NHSL2: variants seen among roughly 807,000 people sequenced by gnomAD.
NHSL2 encodes NHS-like protein 2.
A neutral mutation model predicts 53.4 loss-of-function variants in NHSL2; 27 were observed. That is an observed-to-expected ratio of 0.51 (90% confidence interval 0.37 to 0.70). The LOEUF is 0.70. Among genes scored for constraint, NHSL2 ranks in the 30% least tolerant of loss-of-function variants. The pLI is 0.00. For synonymous variants in NHSL2, 408 were observed against 404.1 expected (o/e 1.01, Z -0.12); for missense variants, 892 against 980.1 (o/e 0.91, Z 1.20).
chrX:72,116,790 G>A (rs867082026), intron 1 of NHSL2, among the ~76,000 whole-genome samples: 1 of 111,155 alleles, frequency 9.0e-6, no homozygotes, highest in African/African-American at 3.3e-5. Flanking sequence ...GACAGCTAGG[G>A]GGTGCTCATG....
At chrX:71,924,608 G>A (rs997906228) in intron 1 of NHSL2, among the ~76,000 whole-genome samples, 1 of 112,236 alleles carries the variant, frequency 8.9e-6, no homozygotes, top group Non-Finnish European at 1.9e-5. Context: ...CCATCTTAAA[G>A]GTTGTGAGGA....
intron 1 of NHSL2, among the ~76,000 whole-genome samples, chrX:71,918,689 C>G (rs1052477050): frequency 8.9e-6 from 1 of 111,932 alleles, no homozygotes; most frequent in Non-Finnish European, 1.9e-5. Context: ...TGAGTGTCTC[C>G]TTTGACTCAG....
chrX:72,069,323 G>A (rs1381200167), intron 1 of NHSL2, among the ~76,000 whole-genome samples: 10 of 108,840 alleles, frequency 9.2e-5, no homozygotes, highest in African/African-American at 3.0e-4. Flanking sequence ...CACTTTCAGG[G>A]CTTGCTAGGG....
chrX:72,141,639 G>A (rs1423383566), intron 6 of NHSL2, among the ~76,000 whole-genome samples: 2 of 112,048 alleles, frequency 1.8e-5, no homozygotes, highest in Admixed American at 9.5e-5. Context: ...GAATCATACA[G>A]TATTTGTCTT....
At chrX:71,979,885 A>G (rs1445586808) in intron 1 of NHSL2, among the ~76,000 whole-genome samples, 1 of 110,973 alleles carries the variant, frequency 9.0e-6, no homozygotes, top group Non-Finnish European at 1.9e-5. Flanking sequence ...TAGGGTTTTT[A>G]TGGTTTTAGG....
chrX:71,947,018 T>C (rs1483096874), intron 1 of NHSL2, among the ~76,000 whole-genome samples: 1 of 112,274 alleles, frequency 8.9e-6, no homozygotes. Context: ...ATATGGTAGC[T>C]GGTATCCACA....
chrX:71,944,580 G>A (rs1409216445), intron 1 of NHSL2, among the ~76,000 whole-genome samples: 2 of 111,929 alleles, frequency 1.8e-5, no homozygotes, highest in Non-Finnish European at 3.8e-5. Context: ...GTAGAGCATG[G>A]TGCTGTCCCA....
chrX:72,066,838 A>G (rs751995555), intron 1 of NHSL2, among the ~76,000 whole-genome samples: 1 of 111,888 alleles, frequency 8.9e-6, no homozygotes, highest in Admixed American at 9.5e-5. Context: ...GGTTAAAAAA[A>G]CTGCTTTGAG....
In NHSL2 at chrX:72,120,582, T is replaced by C. The variant is rs193126076; in HGVS notation, c.281-11497T>C. Among the ~76,000 whole-genome samples, 595 of 112,550 alleles carry C rather than the reference T, an allele frequency of 5.3e-3. 4 individuals are homozygous for C. Among genetic ancestry groups the C allele is most frequent in the African/African-American group, 0.018 (563 of 30,964 alleles). On this transcript the variant is annotated intron_variant, in intron 1 of 7. Transcript: ENST00000633930. ...ATTTTTGTAATTGGGGTCTTCTCTC[T>C]TTGATTTTTGGTCAATCTAGCTAAC... is the stretch of plus-strand genomic sequence containing the variant.
chrX:72,098,302 C>T (rs971532908), intron 1 of NHSL2, among the ~76,000 whole-genome samples: 7 of 112,152 alleles, frequency 6.2e-5, no homozygotes, highest in Non-Finnish European at 1.3e-4. Flanking sequence ...GGAAGTTGGC[C>T]GGGCGCGGTG....
intron 1 of NHSL2, among the ~76,000 whole-genome samples, chrX:72,091,742 G>GT (rs1463198566): frequency 9.0e-6 from 1 of 111,131 alleles, no homozygotes; most frequent in African/African-American, 3.3e-5. Flanking sequence ...CAAGTGTTGT[G>GT]TCCCCAAGAC....
intron 1 of NHSL2, among the ~76,000 whole-genome samples, chrX:71,972,991 AT>A (rs974107177): frequency 9.0e-5 from 10 of 111,045 alleles, no homozygotes; most frequent in East Asian, 2.8e-4. Flanking sequence ...CTCTCCAGTC[AT>A]TCCTGAGAGG....
intron 1 of NHSL2, among the ~76,000 whole-genome samples, chrX:72,034,553 C>T (rs1241110470): frequency 9.0e-6 from 1 of 111,390 alleles, no homozygotes; most frequent in African/African-American, 3.3e-5. Context: ...AGCACCTGGG[C>T]CTGGACATTC....
At chrX:72,024,933 T>C (rs2042178042) in intron 1 of NHSL2, among the ~76,000 whole-genome samples, 1 of 112,554 alleles carries the variant, frequency 8.9e-6, no homozygotes, top group Admixed American at 9.4e-5. Flanking sequence ...TTTTGAAATA[T>C]GCAATACATT....
chrX:71,917,969 C>A (rs2041637077), intron 1 of NHSL2, among the ~76,000 whole-genome samples: 1 of 111,935 alleles, frequency 8.9e-6, no homozygotes, highest in Non-Finnish European at 1.9e-5. Flanking sequence ...GGTTAAACTG[C>A]ATGGTTCAAA....
chrX:72,025,157 A>G (rs1273766606), intron 1 of NHSL2, among the ~76,000 whole-genome samples: 1 of 112,551 alleles, frequency 8.9e-6, no homozygotes, highest in East Asian at 2.8e-4. Flanking sequence ...ACATGTATCA[A>G]AACCTCACAA....
intron 1 of NHSL2, among the ~76,000 whole-genome samples, chrX:72,098,350 A>G (rs922986508): frequency 3.1e-4 from 35 of 111,746 alleles, no homozygotes; most frequent in Middle Eastern, 9.4e-3. Context: ...GGAAGCCGAG[A>G]CGGGTGGATC....
At chrX:72,127,086 G>T (rs1429519929) in intron 1 of NHSL2, 2 of 111,943 alleles carry the variant, frequency 1.8e-5, no homozygotes, top group Non-Finnish European at 3.8e-5. Context: ...ATCTATGCTT[G>T]CTCAATAACA....
rs751899097 is a variant in NHSL2, at chrX:71,977,180, T to C, written c.280+65813T>C. Among the ~76,000 whole-genome samples the C allele has an allele frequency of 4.5e-5, 5 of 111,626 alleles. No individual in the cohort carries two copies. In the East Asian group the frequency reaches 8.4e-4, roughly 19 times the overall value. ...CAGATGGAGAAACAGAATTCTCAGG[T>C]TCAAATCTCCATTTTGCCACTTAAA... On this transcript the variant is annotated intron_variant, in intron 1 of 7. Transcript: ENST00000633930.
Sources: gnomAD v4.1 joint callset for allele counts (sites outside exome capture counted in the v4.1 genomes callset) on GRCh38, gnomAD v4.1.1 for gene constraint, MANE v1.5 for transcripts, NCBI Gene and HGNC (gene_info 2026-07-23, HGNC 2026-07-21) for gene names.